Variants in TMCC1 observed in about 807,000 individuals in gnomAD.
TMCC1 encodes the protein transmembrane and coiled-coil domain family 1, also known as transmembrane and coiled-coil domains protein 1.
TMCC1 carries 15 observed loss-of-function variants against 52.4 expected under a neutral mutation model. That is an observed-to-expected ratio of 0.29 (90% CI 0.19 to 0.44). The LOEUF (loss-of-function observed/expected upper bound fraction) is 0.44, where lower values mean the gene tolerates loss of function less well. Ranked by LOEUF, TMCC1 falls within the 20% of genes least tolerant of loss-of-function variation. TMCC1 has a pLI of 1.00. For synonymous variants in TMCC1, 279 were observed against 301.9 expected, an observed-to-expected ratio of 0.92 and a Z score of 0.79; for missense variants, 503 against 806.0, an observed-to-expected ratio of 0.62 and a Z score of 4.55.
chr3:129,793,557 G>A (rs2056616278), intron 4 of TMCC1, among the ~76,000 whole-genome samples: 1 of 152,194 alleles, frequency 6.6e-6, no homozygotes, highest in Admixed American at 6.5e-5. Flanking sequence ...AATGGGTTTT[G>A]AAATAAAGCT....
At chr3:129,653,051 T>C (rs1189908017) in intron 6 of TMCC1, among the ~76,000 whole-genome samples, 2 of 152,214 alleles carry the variant, frequency 1.3e-5, no homozygotes, top group African/African-American at 2.4e-5. Context: ...TATCACACTA[T>C]AGGAATCGAT....
At chr3:129,839,687 C>G (rs1313353607) in intron 2 of TMCC1, among the ~76,000 whole-genome samples, 1 of 152,004 alleles carries the variant, frequency 6.6e-6, no homozygotes, top group Non-Finnish European at 1.5e-5. Context: ...GAGTTTGAGA[C>G]CAGCCTGGGC....
intron 4 of TMCC1, among the ~76,000 whole-genome samples, chr3:129,719,944 C>CA (rs939108286): frequency 1.3e-5 from 2 of 151,914 alleles, no homozygotes; most frequent in Non-Finnish European, 2.9e-5. Context: ...TTTGGGAGGC[C>CA]AAAAGGCAGG....
intron 4 of TMCC1, among the ~76,000 whole-genome samples, chr3:129,748,550 A>G (rs1416879943): frequency 6.6e-6 from 1 of 152,116 alleles, no homozygotes; most frequent in Non-Finnish European, 1.5e-5. Context: ...AGCCTCCCAA[A>G]GTGCTGGGAT....
intron 4 of TMCC1, among the ~76,000 whole-genome samples, chr3:129,733,127 A>G (rs556555265): frequency 1.3e-5 from 2 of 152,332 alleles, no homozygotes; most frequent in African/African-American, 4.8e-5. Context: ...CAGGTGTTTT[A>G]GCTGAGTTCA....
chr3:129,702,521 CT>C lies in TMCC1; in HGVS notation c.577-31258del, dbSNP rs748790086. Among the ~76,000 whole-genome samples the C allele has an allele frequency of 4.6e-5, 7 of 152,210 alleles. No homozygotes were observed. The East Asian group carries it at 1.3e-3, about 29-fold the overall frequency. The stretch of plus-strand genomic sequence containing the variant: ...AGTAATATATAGGTAAACCATGTTG[CT>C]TTTAAAAATGCTGTTTACCATAGTG... On this transcript the variant is annotated intron_variant, in intron 4 of 6. Transcript: ENST00000393238.
At chr3:129,737,182 G>C (rs997480122) in intron 4 of TMCC1, among the ~76,000 whole-genome samples, 2 of 152,030 alleles carry the variant, frequency 1.3e-5, no homozygotes, top group East Asian at 1.9e-4. Flanking sequence ...GAGGCTAGAG[G>C]GGGGCCGGGC....
intron 4 of TMCC1, among the ~76,000 whole-genome samples, chr3:129,758,544 T>C (rs1009830513): frequency 5.9e-5 from 9 of 152,182 alleles, no homozygotes; most frequent in African/African-American, 1.7e-4. Context: ...AAATAGCTGA[T>C]TGTAGGGCTG....
chr3:129,748,741 G>A (rs1277135420), intron 4 of TMCC1, among the ~76,000 whole-genome samples: 14 of 151,894 alleles, frequency 9.2e-5, no homozygotes, highest in Non-Finnish European at 1.9e-4. Context: ...GGTAGCTCAC[G>A]TCTGTAATCC....
intron 1 of TMCC1, among the ~76,000 whole-genome samples, chr3:129,881,713 T>C (rs1294832042): frequency 6.6e-6 from 1 of 152,092 alleles, no homozygotes; most frequent in Non-Finnish European, 1.5e-5. Context: ...AATTATAGAA[T>C]ATATAAAATG....
intron 4 of TMCC1, among the ~76,000 whole-genome samples, chr3:129,722,745 A>G (rs576885134): frequency 6.6e-5 from 10 of 152,308 alleles, no homozygotes; most frequent in South Asian, 4.2e-4. Context: ...AGCATTCTTA[A>G]TAAAATAGAT....
intron 2 of TMCC1, among the ~76,000 whole-genome samples, chr3:129,878,255 C>T (rs898187011): frequency 3.9e-5 from 6 of 152,172 alleles, no homozygotes; most frequent in Non-Finnish European, 7.3e-5. Flanking sequence ...TGAGCCACTG[C>T]GCCTGGCCAA....
chr3:129,673,914 A>T (rs2088180425), intron 4 of TMCC1, among the ~76,000 whole-genome samples: 1 of 152,178 alleles, frequency 6.6e-6, no homozygotes, highest in South Asian at 2.1e-4. Flanking sequence ...TGGACTGCAT[A>T]TACAACAGTG....
intron 1 of TMCC1, among the ~76,000 whole-genome samples, chr3:129,889,361 A>C (rs2061860155): frequency 6.6e-6 from 1 of 152,190 alleles, no homozygotes; most frequent in South Asian, 2.1e-4. Flanking sequence ...TGTCACAACC[A>C]AGAGGAGCTA....
At chr3:129,857,877 G>A (rs1043473471) in intron 2 of TMCC1, among the ~76,000 whole-genome samples, 2 of 152,108 alleles carry the variant, frequency 1.3e-5, no homozygotes, top group African/African-American at 4.8e-5. Context: ...CCAAGTAACT[G>A]TTAACACATT....
intron 4 of TMCC1, among the ~76,000 whole-genome samples, chr3:129,823,247 A>G (rs1560492031): frequency 6.6e-6 from 1 of 151,936 alleles, no homozygotes; most frequent in Admixed American, 6.6e-5. Flanking sequence ...AATCGCTTGA[A>G]CCCAGGAGGT....
chr3:129,809,264 A>C (rs1056171339), intron 4 of TMCC1, among the ~76,000 whole-genome samples: 3 of 151,610 alleles, frequency 2.0e-5, no homozygotes, highest in African/African-American at 7.3e-5. Context: ...AAAAAAAAAA[A>C]AAATTCTGGA....
chr3:129,862,798 T>A (rs551598999), intron 2 of TMCC1, among the ~76,000 whole-genome samples: 1 of 152,294 alleles, frequency 6.6e-6, no homozygotes, highest in Admixed American at 6.5e-5. Context: ...CCAAAAACTT[T>A]CAGAAATGTC....
intron 4 of TMCC1, among the ~76,000 whole-genome samples, chr3:129,796,858 T>A (rs551784931): frequency 9.9e-4 from 150 of 152,250 alleles, no homozygotes; most frequent in African/African-American, 3.4e-3. Context: ...AAAACATCAA[T>A]ATTATTGTGA....
Sources: gnomAD v4.1 joint callset for allele counts (sites outside exome capture counted in the v4.1 genomes callset) on GRCh38, gnomAD v4.1.1 for gene constraint, MANE v1.5 for transcripts, NCBI Gene and HGNC (gene_info 2026-07-23, HGNC 2026-07-21) for gene names.